Variants in CREB3L3 observed in about 807,000 individuals in gnomAD.
CREB3L3 encodes cyclic AMP-responsive element-binding protein 3-like protein 3.
In CREB3L3, 40 loss-of-function variants were observed where a neutral mutation model predicts 44.6. The ratio of observed to expected loss-of-function variants is 0.90; its 90% CI spans 0.70 to 1.17. CREB3L3 has a LOEUF of 1.17. Among genes scored for constraint, CREB3L3 ranks in the 50% most tolerant of loss-of-function variants. The pLI is 0.00. For synonymous variants in CREB3L3, 273 were observed against 256.3 expected (o/e 1.06, Z -0.62); for missense variants, 578 against 595.8 (o/e 0.97, Z 0.31).
rs1388425037 is a variant in CREB3L3, at chr19:4,171,335, T to G, written c.976-48T>G. Reference sequence around the variant, plus strand: ...TTCCCTGCCTGTGGGATGGAGATGCTTGCAGGGGAGGGGAGGGAGGGGGTG... The same window carrying G: ...TTCCCTGCCTGTGGGATGGAGATGCGTGCAGGGGAGGGGAGGGAGGGGGTG... On this transcript the variant is annotated intron_variant, in intron 8 of 9. Transcript: ENST00000078445. The surrounding 1 kb of genome is among the most constrained non-coding windows in gnomAD (Gnocchi z 4.9). 4.9e-5 allele frequency: 77 copies of G among 1,563,056 alleles called. No homozygotes were observed. Among genetic ancestry groups the G allele is most frequent in the Non-Finnish European group, 6.6e-5 (75 of 1,134,842 alleles).
intron 7 of CREB3L3, among the ~76,000 whole-genome samples, chr19:4,170,611 CA>C (rs1967022700): frequency 6.8e-6 from 1 of 147,220 alleles, no homozygotes. Flanking sequence ...GGCTCTGTCT[CA>C]AAAATAAATA....
At chr19:4,160,305 C>T (rs998677590) in intron 4 of CREB3L3, among the ~76,000 whole-genome samples, 2 of 151,838 alleles carry the variant, frequency 1.3e-5, no homozygotes, top group African/African-American at 2.4e-5. Flanking sequence ...ACAATAACAA[C>T]AACAAAAAGA....
chr19:4,155,052 C>G (rs767840124), intron 2 of CREB3L3, 25 bp downstream of exon 2: 7 of 1,601,370 alleles, frequency 4.4e-6, no homozygotes, highest in Middle Eastern at 1.7e-4. Context: ...GCAGTTGCCC[C>G]GGGACCACAG....
At chr19:4,163,351 A>AAG (rs2041685135) in intron 4 of CREB3L3, among the ~76,000 whole-genome samples, 11 of 117,280 alleles carry the variant, frequency 9.4e-5, no homozygotes, top group African/African-American at 3.3e-4. Flanking sequence ...AAAGAAAGAA[A>AAG]GAAGGAAGGA....
chr19:4,156,124 CCTCTCTCTCTGTCT>C (rs1299488451), intron 2 of CREB3L3, among the ~76,000 whole-genome samples: 1 of 109,046 alleles, frequency 9.2e-6, no homozygotes, highest in Non-Finnish European at 1.8e-5. Context: ...TCTCTCCCCC[CCTCTCTCTCTGTCT>C]CTCTCTCTCT....
In CREB3L3 at chr19:4,158,799, CAAAA is replaced by C. The variant is rs760741012; in HGVS notation, c.458-847_458-844del. Among the ~76,000 whole-genome samples the C allele has an allele frequency of 4.6e-3, 295 of 64,324 alleles. 2 individuals carry two copies. The highest frequency in any genetic ancestry group is 0.013 in the African/African-American group (271 of 21,016). 42.2% of individuals were successfully genotyped at this position (64,324 alleles called of 152,430 possible). ...CTGGCGACAGAGCGAGACTCCGTCT[CAAAA>C]AAAAAAAAAAAAAAAAATCTGAGGC... On this transcript the variant is annotated intron_variant, in intron 3 of 9. Transcript: ENST00000078445.
chr19:4,165,918 C>T (rs1201055181), intron 5 of CREB3L3, among the ~76,000 whole-genome samples: 1 of 151,910 alleles, frequency 6.6e-6, no homozygotes, highest in Non-Finnish European at 1.5e-5. Context: ...ATAAACAAAA[C>T]AAAATCCAAA....
chr19:4,165,455 A>G (rs1015097026), intron 5 of CREB3L3, among the ~76,000 whole-genome samples: 1 of 151,574 alleles, frequency 6.6e-6, no homozygotes, highest in African/African-American at 2.4e-5. Flanking sequence ...GATTACAGGC[A>G]TGAGCCATCA....
Position 4,171,082 on chromosome 19 carries a change from C to T in CREB3L3, c.891-9C>T. The T allele has an allele frequency of 6.2e-7, 1 of 1,612,348 alleles. No individual in the cohort carries two copies. The highest frequency in any genetic ancestry group is 8.5e-7 in the Non-Finnish European group (1 of 1,178,342). On this transcript the variant is annotated splice_polypyrimidine_tract_variant and intron_variant, in intron 7 of 9. Transcript: ENST00000078445. This position sits in a 1 kb window ranked among gnomAD's most constrained non-coding sequence, Gnocchi z 4.9. The stretch of plus-strand genomic sequence containing the variant: ...TAGGGCTCAGCGGAGGCCTGCCTGT[C>T]TCTCTAAGGTCCCTCTTGGAGCAAC...
intron 5 of CREB3L3, 35 bp from the exon 6 acceptor site, chr19:4,168,316 T>C: frequency 1.3e-6 from 2 of 1,569,036 alleles, no homozygotes; most frequent in South Asian, 1.1e-5. Context: ...GGGGACTTTC[T>C]GGCCTGAAAC....
In CREB3L3 at chr19:4,171,840, C is replaced by T. The variant is rs748222645; in HGVS notation, c.1257C>T (p.Asp419=). The T allele has an allele frequency of 1.2e-6, 2 of 1,613,696 alleles. No homozygotes were observed. Among genetic ancestry groups the T allele is most frequent in the Non-Finnish European group, 1.7e-6 (2 of 1,180,022 alleles). ...TGACCAATTCGACGGAGGAGCTGGA[C>T]AACGCCACCCTGGTCCTGAGGAATG... The part of the protein sequence containing the change: ...ANLTNSTEEL[D]NATLVLRNAT... The change falls in exon 10 of 10, where the codon GAC becomes GAT. Residue 419 remains aspartate (D), a synonymous_variant. Transcript: ENST00000078445. This position sits in a 1 kb window ranked among gnomAD's most constrained non-coding sequence, Gnocchi z 4.9.
chr19:4,158,558 T>C (rs1192163668), intron 3 of CREB3L3, among the ~76,000 whole-genome samples: 1 of 151,354 alleles, frequency 6.6e-6, no homozygotes, highest in Non-Finnish European at 1.5e-5. Flanking sequence ...TCCCAGCACT[T>C]TGGGAGGCCG....
At position 4,155,697 on chromosome 19, in the gene CREB3L3, T is replaced by G. The variant is rs377162681; in HGVS notation, c.156+670T>G. Among the ~76,000 whole-genome samples, 171 of 149,310 alleles carry G rather than the reference T, an allele frequency of 1.1e-3. 1 individual carries two copies. Among genetic ancestry groups the G allele is most frequent in the African/African-American group, 4.1e-3 (168 of 40,878 alleles). On this transcript the variant is annotated intron_variant, in intron 2 of 9. Coordinates refer to ENST00000078445, the MANE Select transcript of CREB3L3 (RefSeq NM_032607.3). ...TTTCTTTTCTCTCTCTTTTTCTCTTTCCTTCCTTCCTTCCTTCCTTTTTTC... is the reference window on the plus strand; with the variant it reads ...TTTCTTTTCTCTCTCTTTTTCTCTTGCCTTCCTTCCTTCCTTCCTTTTTTC...
At chr19:4,161,127 AT>A (rs934313757) in intron 4 of CREB3L3, among the ~76,000 whole-genome samples, 1 of 151,334 alleles carries the variant, frequency 6.6e-6, no homozygotes, top group East Asian at 1.9e-4. Context: ...ATTAGCCAGG[AT>A]TTTTTTTGTA....
Position 4,171,975 on chromosome 19 carries a change from G to A in CREB3L3, c.*6G>A, listed in dbSNP as rs352117. ...CGGCGGGAGACGAGCTGTGAGCCCC[G>A]CCAGGACTATGCTCCCAGGCCCCTC... On this transcript the variant is annotated 3_prime_UTR_variant, in exon 10 of 10. Transcript: ENST00000078445. The surrounding 1 kb of genome is among the most constrained non-coding windows in gnomAD (Gnocchi z 4.9). The A allele has an allele frequency of 0.072, 113,852 of 1,581,908 alleles. 7,062 individuals carry two copies. Among genetic ancestry groups the A allele is most frequent in the East Asian group, 0.3 (13,121 of 43,498 alleles).
At position 4,172,015 on chromosome 19, in the gene CREB3L3, T is replaced by G; in HGVS notation, c.*46T>G. 6.6e-7 allele frequency: 1 copy of G among 1,514,676 alleles called. No homozygotes were observed. The highest frequency in any genetic ancestry group is 2.0e-5 in the Admixed American group (1 of 49,824). The allele number at this position is 1,514,676 out of a possible 1,614,324, so 93.8% of individuals were successfully genotyped here. The stretch of plus-strand genomic sequence containing the variant: ...CCAGGCCCCTCTGCCCAGGGGTGCC[T>G]TGGGGATGCTGCACTGGGCAGCTAC... On this transcript the variant is annotated 3_prime_UTR_variant, in exon 10 of 10. Coordinates refer to ENST00000078445, the MANE Select transcript of CREB3L3 (RefSeq NM_032607.3).
rs761355276 is a variant in CREB3L3, at chr19:4,154,965, C to A, written c.94C>A (p.Arg32=). ...SFELLDLLFD[R]QDGILRHVEL... ...TGAGCTCCTGGATCTCCTGTTTGAC[C>A]GGCAGGACGGCATCCTGAGACACGT... Residue 32 remains arginine (R), a synonymous_variant, in exon 2 of 10, where the codon CGG becomes AGG. Transcript: ENST00000078445. 6.8e-6 allele frequency: 11 copies of A among 1,613,112 alleles called. No individual in the cohort carries two copies. The South Asian group carries it at 1.1e-4, about 16-fold the overall frequency.
At chr19:4,154,827 G>A in intron 1 of CREB3L3, 72 bp from the exon 2 acceptor site, 2 of 1,607,678 alleles carry the variant, frequency 1.2e-6, no homozygotes, top group Non-Finnish European at 1.7e-6. Flanking sequence ...AAAGAGCCAG[G>A]GTTATGTGCA....
chr19:4,171,404 C>T lies in CREB3L3; in HGVS notation c.997C>T (p.Leu333Phe), dbSNP rs1371914492. ...CVAVLLLSFA[L>F]IILPSISPFG... ...CCAGGTCCTGTTGCTGTCCTTTGCC[C>T]TCATCATCCTCCCCTCCATCAGCCC... Residue 333 changes from leucine to phenylalanine, a missense_variant, in exon 9 of 10, where the codon CTC (leucine) becomes TTC (phenylalanine). Coordinates refer to ENST00000078445, the MANE Select transcript of CREB3L3 (RefSeq NM_032607.3). The surrounding 1 kb of genome is among the most constrained non-coding windows in gnomAD (Gnocchi z 4.9). 4.3e-6 allele frequency: 7 copies of T among 1,613,992 alleles called. No homozygotes were observed. Among genetic ancestry groups the T allele is most frequent in the Non-Finnish European group, 5.1e-6 (6 of 1,180,018 alleles).
Sources: allele counts gnomAD v4.1 joint callset (sites outside exome capture counted in the v4.1 genomes callset), GRCh38; gene constraint gnomAD v4.1.1; non-coding constraint Gnocchi (gnomAD v3.1); transcripts MANE v1.5; gene names NCBI Gene and HGNC (gene_info 2026-07-23, HGNC 2026-07-21).